Variants in CNBD1 observed in about 807,000 individuals in gnomAD.
The protein encoded by CNBD1 is cyclic nucleotide-binding domain-containing protein 1.
A neutral mutation model predicts 54.4 loss-of-function variants in CNBD1; 71 were observed. That is an observed-to-expected ratio of 1.30 (90% CI 1.08 to 1.59). The LOEUF (loss-of-function observed/expected upper bound fraction) is 1.59, where lower values mean the gene tolerates loss of function less well. Among genes scored for constraint, CNBD1 ranks in the 40% most tolerant of loss-of-function variants. The probability of loss-of-function intolerance (pLI) is 0.00; values close to 1 mark genes in which losing one functional copy is unlikely to be tolerated. For missense variants in CNBD1, 659 were observed against 518.0 expected (o/e 1.27, Z -2.64); for synonymous variants, 182 against 170.7 (o/e 1.07, Z -0.51).
At chr8:87,145,772 T>A (rs1316696270) in intron 4 of CNBD1, among the ~76,000 whole-genome samples, 7 of 152,092 alleles carry the variant, frequency 4.6e-5, no homozygotes, top group African/African-American at 1.7e-4. Context: ...GGGTTGAGGA[T>A]TTCTGGGTTG....
intron 4 of CNBD1, among the ~76,000 whole-genome samples, chr8:87,042,295 G>T (rs1189369342): frequency 2.0e-5 from 3 of 152,178 alleles, no homozygotes; most frequent in Non-Finnish European, 4.4e-5. Flanking sequence ...TGGAGCTCAG[G>T]TGAGGGCCTG....
At chr8:87,394,573 T>A (rs886842970) in intron 2 of CNBD1, among the ~76,000 whole-genome samples, 2 of 151,948 alleles carry the variant, frequency 1.3e-5, no homozygotes, top group Admixed American at 6.6e-5. Context: ...TTTTATCTGC[T>A]TTTAACTGTA....
At chr8:87,014,525 AG>A (rs1455586156) in intron 4 of CNBD1, among the ~76,000 whole-genome samples, 1 of 152,110 alleles carries the variant, frequency 6.6e-6, no homozygotes, top group East Asian at 1.9e-4. Flanking sequence ...AGCTATAAAA[AG>A]GGTTTATAGA....
At chr8:87,356,485 C>T (rs1047331233) in intron 10 of CNBD1, among the ~76,000 whole-genome samples, 2 of 152,098 alleles carry the variant, frequency 1.3e-5, no homozygotes, top group African/African-American at 4.8e-5. Context: ...TGTGTCCATG[C>T]CCTAAAGATT....
chr8:87,403,090 G>A (rs1402890311), intron 2 of CNBD1, among the ~76,000 whole-genome samples: 2 of 151,494 alleles, frequency 1.3e-5, no homozygotes, highest in Non-Finnish European at 2.9e-5. Context: ...TCATAAAGAT[G>A]CTTAAAATTG....
At chr8:87,272,705 G>A (rs190354869) in intron 6 of CNBD1, among the ~76,000 whole-genome samples, 2 of 151,900 alleles carry the variant, frequency 1.3e-5, no homozygotes, top group Admixed American at 6.6e-5. Context: ...AATCCATTAA[G>A]CCAAAGGGTT....
chr8:86,951,063 T>C (rs764469759), intron 4 of CNBD1, among the ~76,000 whole-genome samples: 22 of 152,196 alleles, frequency 1.4e-4, no homozygotes, highest in Non-Finnish European at 2.8e-4. Flanking sequence ...TTTCTACTGT[T>C]TGCTTTTTGA....
At chr8:86,884,155 A>G (rs1157408896) in intron 1 of CNBD1, among the ~76,000 whole-genome samples, 4 of 150,718 alleles carry the variant, frequency 2.7e-5, no homozygotes, top group African/African-American at 9.8e-5. Flanking sequence ...CCGTCTCAAA[A>G]CAAAACAAAA....
At chr8:86,952,140 G>A (rs553329352) in intron 4 of CNBD1, among the ~76,000 whole-genome samples, 15 of 152,112 alleles carry the variant, frequency 9.9e-5, no homozygotes, top group African/African-American at 1.7e-4. Context: ...ACTTTTCTGC[G>A]CCAAACCAAT....
intron 4 of CNBD1, among the ~76,000 whole-genome samples, chr8:86,957,481 C>G (rs898583354): frequency 2.0e-5 from 3 of 152,082 alleles, no homozygotes; most frequent in African/African-American, 7.2e-5. Flanking sequence ...GGTTGGTAGG[C>G]TATTAATTAT....
At position 87,254,575 on chromosome 8, in the gene CNBD1, A is replaced by G. The variant is rs576156109; in HGVS notation, c.771+17463A>G. Among the ~76,000 whole-genome samples the G allele has an allele frequency of 1.4e-4, 21 of 152,332 alleles. No individual in the cohort carries two copies. The South Asian group carries it at 4.1e-3, about 30-fold the overall frequency. On this transcript the variant is annotated intron_variant, in intron 6 of 10. Transcript: ENST00000518476. ...ACTGAATATTCTTCTCAGTATAGAT[A>G]TGCATGTAGAGGGATGGTGCTAATG...
intron 6 of CNBD1, among the ~76,000 whole-genome samples, chr8:87,265,096 A>G (rs1808222763): frequency 6.6e-6 from 1 of 152,002 alleles, no homozygotes; most frequent in East Asian, 1.9e-4. Flanking sequence ...CCTGAATGGT[A>G]TTGCCTAGGT....
chr8:86,990,061 A>C (rs113570697), intron 4 of CNBD1, among the ~76,000 whole-genome samples: 1 of 152,136 alleles, frequency 6.6e-6, no homozygotes, highest in Non-Finnish European at 1.5e-5. Flanking sequence ...ATTCTTTGCT[A>C]TAGAATTGTT....
intron 6 of CNBD1, among the ~76,000 whole-genome samples, chr8:87,246,978 A>G (rs1807819199): frequency 6.6e-6 from 1 of 152,066 alleles, no homozygotes; most frequent in South Asian, 2.1e-4. Context: ...GGAGACAGTG[A>G]CACCCGAATT....
At chr8:87,153,177 A>C (rs551876002) in intron 4 of CNBD1, among the ~76,000 whole-genome samples, 1 of 152,306 alleles carries the variant, frequency 6.6e-6, no homozygotes, top group East Asian at 1.9e-4. Context: ...TACCCACCAC[A>C]ATATAAAATA....
intron 3 of CNBD1, among the ~76,000 whole-genome samples, chr8:86,929,091 A>G (rs369331466): frequency 2.6e-5 from 4 of 152,118 alleles, no homozygotes; most frequent in East Asian, 1.9e-4. Context: ...CCTGGCAGCA[A>G]TTTTGGCGTC....
intron 4 of CNBD1, among the ~76,000 whole-genome samples, chr8:87,116,978 G>A (rs1241683431): frequency 6.6e-6 from 1 of 151,862 alleles, no homozygotes; most frequent in African/African-American, 2.4e-5. Context: ...AACTTTTGAG[G>A]GCAGACAATC....
intron 4 of CNBD1, among the ~76,000 whole-genome samples, chr8:86,989,949 A>G (rs528238254): frequency 3.3e-4 from 50 of 152,194 alleles, no homozygotes; most frequent in African/African-American, 1.1e-3. Flanking sequence ...CTGATGACCA[A>G]TCATGTTGAG....
intron 4 of CNBD1, among the ~76,000 whole-genome samples, chr8:86,959,656 G>T (rs900486749): frequency 2.2e-4 from 34 of 152,072 alleles, no homozygotes; most frequent in Non-Finnish European, 4.7e-4. Context: ...ACTAAAGCTT[G>T]TGCATGCATC....
Sources: gnomAD v4.1 joint callset for allele counts (sites outside exome capture counted in the v4.1 genomes callset) on GRCh38, gnomAD v4.1.1 for gene constraint, MANE v1.5 for transcripts, NCBI Gene and HGNC (gene_info 2026-07-23, HGNC 2026-07-21) for gene names.